LOC122539214: variants seen among roughly 807,000 people sequenced by gnomAD.
chr19:52,665,161 C>T, the LOC122539214 span, among the ~76,000 whole-genome samples: 3 of 152,154 alleles, frequency 2.0e-5, no homozygotes, highest in Non-Finnish European at 4.4e-5. Flanking sequence ...AGAGTCCACC[C>T]TGTGCTCAGC....
the LOC122539214 span, among the ~76,000 whole-genome samples, chr19:52,687,258 A>T: frequency 6.8e-6 from 1 of 146,580 alleles, no homozygotes; most frequent in Non-Finnish European, 1.5e-5. Flanking sequence ...GGGAGGTCAA[A>T]GCAGGAGGAT....
At chr19:52,653,344 T>G in the LOC122539214 span, 5 of 1,235,348 alleles carry the variant, frequency 4.0e-6, no homozygotes, top group Admixed American at 5.3e-5. Flanking sequence ...AACTCTCTGA[T>G]GTTGTGCAAG....
At chr19:52,689,866 C>A in the LOC122539214 span, among the ~76,000 whole-genome samples, 1 of 152,216 alleles carries the variant, frequency 6.6e-6, no homozygotes, top group Non-Finnish European at 1.5e-5. Flanking sequence ...GCAAGAACAC[C>A]CCGTGTCACA....
the LOC122539214 span, among the ~76,000 whole-genome samples, chr19:52,673,116 T>A: frequency 2.6e-5 from 4 of 151,994 alleles, no homozygotes; most frequent in Non-Finnish European, 4.4e-5. Flanking sequence ...GACTGAGGCA[T>A]GAGAATCACT....
At chr19:52,667,607 G>C in the LOC122539214 span, among the ~76,000 whole-genome samples, 1 of 152,172 alleles carries the variant, frequency 6.6e-6, no homozygotes, top group South Asian at 2.1e-4. Context: ...GTTTAAGCAA[G>C]TTTCAAAATG....
chr19:52,674,815 A>ACCAACCAATC, the LOC122539214 span, among the ~76,000 whole-genome samples: 3 of 152,246 alleles, frequency 2.0e-5, no homozygotes, highest in Non-Finnish European at 2.9e-5. Context: ...ATCTCGTTAA[A>ACCAACCAATC]TGATTATACA....
chr19:52,659,293 A>G, the LOC122539214 span, among the ~76,000 whole-genome samples: 2 of 152,106 alleles, frequency 1.3e-5, no homozygotes, highest in Non-Finnish European at 2.9e-5. Context: ...AAGGCAAAGA[A>G]GGATTTCGTG....
chr19:52,656,177 C>T, the LOC122539214 span, among the ~76,000 whole-genome samples: 1 of 151,696 alleles, frequency 6.6e-6, no homozygotes, highest in African/African-American at 2.4e-5. Flanking sequence ...TGTGCCACTG[C>T]AATTCAGCTT....
At chr19:52,655,649 A>G in the LOC122539214 span, 1 of 1,372,706 alleles carries the variant, frequency 7.3e-7, no homozygotes, top group Non-Finnish European at 1.0e-6. Flanking sequence ...ACTCCTCCAA[A>G]GAGAATTCTA....
At chr19:52,663,833 AATGTG>A in the LOC122539214 span, among the ~76,000 whole-genome samples, 1 of 152,232 alleles carries the variant, frequency 6.6e-6, no homozygotes, top group Non-Finnish European at 1.5e-5. Flanking sequence ...TGAAAATGAT[AATGTG>A]ATGTCGTAAG....
At chr19:52,657,545 T>C in the LOC122539214 span, among the ~76,000 whole-genome samples, 1 of 152,136 alleles carries the variant, frequency 6.6e-6, no homozygotes, top group Non-Finnish European at 1.5e-5. Flanking sequence ...TAAAATAATT[T>C]TTTAAAAAAG....
the LOC122539214 span, among the ~76,000 whole-genome samples, chr19:52,656,226 C>CTA: frequency 6.8e-4 from 99 of 145,040 alleles, 1 homozygote; most frequent in African/African-American, 2.1e-3. Context: ...CTCTCTCTCT[C>CTA]TATATATATA....
the LOC122539214 span, among the ~76,000 whole-genome samples, chr19:52,684,776 A>C: frequency 6.6e-6 from 1 of 152,068 alleles, no homozygotes; most frequent in African/African-American, 2.4e-5. Flanking sequence ...CCTGAGACAG[A>C]AAAGGTTTTG....
the LOC122539214 span, among the ~76,000 whole-genome samples, chr19:52,678,045 A>G: frequency 6.6e-6 from 1 of 150,940 alleles, no homozygotes; most frequent in African/African-American, 2.5e-5. Flanking sequence ...AAAACAAAAC[A>G]AAACAAAAAA....
chr19:52,655,437 A>T, the LOC122539214 span: 1 of 928,108 alleles, frequency 1.1e-6, no homozygotes, highest in Non-Finnish European at 1.7e-6. Flanking sequence ...TCATCACTGC[A>T]GAAAACAATG....
chr19:52,658,514 G>A, the LOC122539214 span, among the ~76,000 whole-genome samples: 3 of 152,186 alleles, frequency 2.0e-5, no homozygotes, highest in East Asian at 1.9e-4. Context: ...GGAGTAAGCC[G>A]AGATTGCACC....
At chr19:52,653,522 G>C in the LOC122539214 span, among the ~76,000 whole-genome samples, 2 of 152,138 alleles carry the variant, frequency 1.3e-5, no homozygotes, top group Non-Finnish European at 2.9e-5. Flanking sequence ...TGTGTTTCAA[G>C]TTGTGATCTG....
At chr19:52,676,562 C>T in the LOC122539214 span, among the ~76,000 whole-genome samples, 3 of 151,938 alleles carry the variant, frequency 2.0e-5, no homozygotes, top group African/African-American at 7.2e-5. Flanking sequence ...GGCGCCTCTG[C>T]CCGGCCGCCC....
chr19:52,685,897 CAAAA>C, the LOC122539214 span, among the ~76,000 whole-genome samples: 1 of 132,442 alleles, frequency 7.6e-6, no homozygotes, highest in Non-Finnish European at 1.7e-5. Context: ...GTAACTGTCA[CAAAA>C]AAAAAAAAAA....
Sources: gnomAD v4.1 joint callset for allele counts (sites outside exome capture counted in the v4.1 genomes callset) on GRCh38, gnomAD v4.1.1 for gene constraint, MANE v1.5 for transcripts.